Variants in RYR3 observed in about 807,000 individuals in gnomAD.
The protein encoded by RYR3 is ryanodine receptor 3, also known as brain ryanodine receptor-calcium release channel.
In RYR3, 207 loss-of-function variants were observed where a neutral mutation model predicts 584.3. That is an observed-to-expected ratio of 0.35 (90% CI 0.32 to 0.40). The LOEUF (loss-of-function observed/expected upper bound fraction) is 0.40, where lower values mean the gene tolerates loss of function less well. Ranked by LOEUF, RYR3 falls within the 10% of genes least tolerant of loss-of-function variation. The pLI is 1.00. For missense variants in RYR3, 5,616 were observed against 6,089.2 expected, an observed-to-expected ratio of 0.92 and a Z score of 2.59; for synonymous variants, 2,416 against 2,248.5, an observed-to-expected ratio of 1.07 and a Z score of -2.11.
At chr15:33,662,098 G>A in intron 34 of RYR3, 55 bp from the exon 35 acceptor site, 2 of 1,426,486 alleles carry the variant, frequency 1.4e-6, no homozygotes, top group Middle Eastern at 2.6e-4. Flanking sequence ...GAAATAGCTG[G>A]ATTCTGGTGG....
intron 1 of RYR3, among the ~76,000 whole-genome samples, chr15:33,466,039 C>T (rs745511668): frequency 9.9e-5 from 15 of 152,136 alleles, no homozygotes; most frequent in Non-Finnish European, 2.1e-4. Context: ...GCTTGACATG[C>T]CTATTGGACA....
chr15:33,611,472 C>T (rs888511472), intron 18 of RYR3, among the ~76,000 whole-genome samples: 3 of 151,510 alleles, frequency 2.0e-5, no homozygotes, highest in East Asian at 2.0e-4. Context: ...AGCCTCCTGG[C>T]GTGAACCCAG....
At chr15:33,552,320 A>T (rs1207674193) in intron 10 of RYR3, among the ~76,000 whole-genome samples, 1 of 152,180 alleles carries the variant, frequency 6.6e-6, no homozygotes, top group East Asian at 1.9e-4. Context: ...TCCACTTGGC[A>T]TCACTTCTGG....
intron 38 of RYR3, among the ~76,000 whole-genome samples, chr15:33,682,204 AAAC>A (rs2064675808): frequency 6.6e-6 from 1 of 152,202 alleles, no homozygotes; most frequent in Non-Finnish European, 1.5e-5. Context: ...GAAAGTTACA[AAAC>A]AACAAGTGGA....
chr15:33,435,730 C>T (rs2045649230), intron 1 of RYR3, among the ~76,000 whole-genome samples: 1 of 152,168 alleles, frequency 6.6e-6, no homozygotes, highest in Admixed American at 6.5e-5. Flanking sequence ...TTCCTGGTCT[C>T]ACTGACTTCA....
At chr15:33,635,568 TC>T in intron 25 of RYR3, 45 bp from the exon 26 acceptor site, 2 of 1,471,554 alleles carry the variant, frequency 1.4e-6, no homozygotes, top group Non-Finnish European at 1.9e-6. Flanking sequence ...GTCTACGTTC[TC>T]TCTTTCCCTT....
intron 60 of RYR3, among the ~76,000 whole-genome samples, chr15:33,764,256 A>G (rs565130601): frequency 1.3e-5 from 2 of 152,318 alleles, no homozygotes; most frequent in East Asian, 1.9e-4. Context: ...CATAAAAAAG[A>G]ATGAGTTCAT....
intron 87 of RYR3, among the ~76,000 whole-genome samples, chr15:33,835,725 T>C (rs1360833855): frequency 1.3e-5 from 2 of 152,222 alleles, no homozygotes. Context: ...CTGCCTCCTC[T>C]CTTCTGGAAT....
intron 93 of RYR3, among the ~76,000 whole-genome samples, chr15:33,845,706 GGA>G (rs2078682197): frequency 6.6e-6 from 1 of 152,168 alleles, no homozygotes; most frequent in African/African-American, 2.4e-5. Flanking sequence ...AAAGTCACAT[GGA>G]GAGCTAGTCA....
Position 33,310,984 on chromosome 15 carries a change from G to C in RYR3, c.-62G>C. On this transcript the variant is annotated 5_prime_UTR_variant, in exon 1 of 104. Coordinates refer to ENST00000634891, the MANE Select transcript of RYR3 (RefSeq NM_001036.6). Reference sequence around the variant, plus strand: ...AGCGCAGCAGCAGTCAGCGCACGCCGAGCGGCTGCCGGGGGAAGCAGAGGC... The same window carrying C: ...AGCGCAGCAGCAGTCAGCGCACGCCCAGCGGCTGCCGGGGGAAGCAGAGGC... The C allele has an allele frequency of 7.4e-7, 1 of 1,351,724 alleles. No homozygotes were observed. Among genetic ancestry groups the C allele is most frequent in the Non-Finnish European group, 1.0e-6 (1 of 968,928 alleles). The allele number at this position is 1,351,724 out of a possible 1,614,324, so 83.7% of individuals were successfully genotyped here.
intron 3 of RYR3, among the ~76,000 whole-genome samples, chr15:33,512,502 C>T (rs988506563): frequency 1.3e-5 from 2 of 152,196 alleles, no homozygotes; most frequent in African/African-American, 4.8e-5. Context: ...TATAGTGCTT[C>T]AGCTTTAGTG....
At chr15:33,483,710 A>G (rs918573857) in intron 2 of RYR3, among the ~76,000 whole-genome samples, 1 of 152,236 alleles carries the variant, frequency 6.6e-6, no homozygotes, top group Non-Finnish European at 1.5e-5. Flanking sequence ...CTTTCTAGCA[A>G]TGCTGTCTTA....
intron 1 of RYR3, among the ~76,000 whole-genome samples, chr15:33,327,961 T>A (rs1394090700): frequency 2.0e-5 from 3 of 152,208 alleles, no homozygotes; most frequent in African/African-American, 7.2e-5. Context: ...TATTCTGAGT[T>A]AGACAATGTG....
At chr15:33,483,491 C>T (rs992104379) in intron 2 of RYR3, among the ~76,000 whole-genome samples, 1 of 152,192 alleles carries the variant, frequency 6.6e-6, no homozygotes, top group Non-Finnish European at 1.5e-5. Context: ...GTGTCTCCTT[C>T]ATCTTGTGCC....
intron 1 of RYR3, among the ~76,000 whole-genome samples, chr15:33,327,120 C>G (rs1303603588): frequency 6.6e-6 from 1 of 151,968 alleles, no homozygotes; most frequent in Non-Finnish European, 1.5e-5. Context: ...TGTTATACAG[C>G]TATAGAAGAT....
Position 33,662,784 on chromosome 15 carries a change from C to G in RYR3, c.5254C>G (p.Pro1752Ala), listed in dbSNP as rs1395183508. Residue 1752 changes from proline to alanine, a missense_variant, in exon 35 of 104, where the codon CCC (proline) becomes GCC (alanine). By Grantham distance (27) the Pro-to-Ala change is conservative. This residue lies in a region of RYR3 where 753 missense variants were observed against 741.0 expected (regional missense o/e 1.02). Transcript: ENST00000634891. ...DVRQILLLID[P>A]SVFGEHSAGT... ...TCGGCAGATCCTCCTCCTGATTGAT[C>G]CCTCTGTGTTTGGGGAGCATAGTGC... 5 of 1,613,968 alleles carry G rather than the reference C, an allele frequency of 3.1e-6. No individual in the cohort carries two copies. The highest frequency in any genetic ancestry group is 4.2e-6 in the Non-Finnish European group (5 of 1,179,920).
rs757533986 is a variant in RYR3 at position 33,748,267 on chromosome 15, C to T, written c.8136+7C>T. ...TGTGTCCCAGGCCAACCAGGTATGA[C>T]ACCACACCCAGAGGCCCACGCTGGG... On this transcript the variant is annotated splice_region_variant and intron_variant, in intron 54 of 103. Transcript: ENST00000634891. 6.2e-7 allele frequency: 1 copy of T among 1,613,414 alleles called. No homozygotes were observed. The highest frequency in any genetic ancestry group is 2.2e-5 in the East Asian group (1 of 44,840).
chr15:33,823,159 G>A lies in RYR3; in HGVS notation c.11072+87G>A. 14 of 1,064,424 alleles carry A rather than the reference G, an allele frequency of 1.3e-5. No individual in the cohort carries two copies. In the South Asian group the frequency reaches 1.8e-4, roughly 14 times the overall value. The allele number at this position is 1,064,424 out of a possible 1,614,324, so 65.9% of individuals were successfully genotyped here. A position where few individuals can be genotyped will look rare whatever the true frequency, so the allele number is the denominator to read the frequency against. On this transcript the variant is annotated intron_variant, in intron 81 of 103. Coordinates refer to ENST00000634891, the MANE Select transcript of RYR3 (RefSeq NM_001036.6). ...GGGAAGGGGAGCACAAAATATACTG[G>A]CCTACCATAGAATTCTTGAGAGAGG...
At chr15:33,418,650 T>C (rs1289184569) in intron 1 of RYR3, among the ~76,000 whole-genome samples, 1 of 152,126 alleles carries the variant, frequency 6.6e-6, no homozygotes, top group East Asian at 1.9e-4. Flanking sequence ...TGACATCAAA[T>C]TTGTGTTTTA....
Sources: gnomAD v4.1 joint callset for allele counts (sites outside exome capture counted in the v4.1 genomes callset) on GRCh38, gnomAD v4.1.1 for gene constraint, gnomAD v4.1.1 regional missense constraint, MANE v1.5 for transcripts, NCBI Gene and HGNC (gene_info 2026-07-23, HGNC 2026-07-21) for gene names.